GABRA2: variants seen among roughly 807,000 people sequenced by gnomAD.
GABRA2 encodes gamma-aminobutyric acid receptor subunit alpha-2.
Under a neutral mutation model 48.7 loss-of-function variants are expected in GABRA2, and 16 were observed. The ratio of observed to expected loss-of-function variants is 0.33; its 90% confidence interval spans 0.22 to 0.50. The LOEUF (loss-of-function observed/expected upper bound fraction) is 0.50, where lower values mean the gene tolerates loss of function less well. Among genes scored for constraint, GABRA2 ranks in the 20% least tolerant of loss-of-function variants. The pLI is 0.98. For synonymous variants in GABRA2, 185 were observed against 184.5 expected (o/e 1.00, Z -0.02); for missense variants, 275 against 535.6 (o/e 0.51, Z 4.80).
At chr4:46,357,510 C>T (rs1736189479) in intron 3 of GABRA2, among the ~76,000 whole-genome samples, 1 of 150,826 alleles carries the variant, frequency 6.6e-6, no homozygotes, top group Non-Finnish European at 1.5e-5. Context: ...ATTTATTTAA[C>T]TTCTTAGTCC....
At chr4:46,294,052 C>A (rs1178131284) in intron 8 of GABRA2, among the ~76,000 whole-genome samples, 1 of 152,214 alleles carries the variant, frequency 6.6e-6, no homozygotes, top group Admixed American at 6.5e-5. Context: ...CCATAAGGCC[C>A]ACCAGAAGCA....
chr4:46,336,082 C>G (rs183469139), intron 3 of GABRA2, among the ~76,000 whole-genome samples: 80 of 152,238 alleles, frequency 5.3e-4, no homozygotes, highest in Middle Eastern at 3.4e-3. Flanking sequence ...CCACAAAGAA[C>G]AGGGACTGCA....
intron 8 of GABRA2, among the ~76,000 whole-genome samples, chr4:46,267,614 G>A (rs945974787): frequency 8.6e-5 from 13 of 151,938 alleles, no homozygotes; most frequent in African/African-American, 3.1e-4. Flanking sequence ...GGGGTTTGTT[G>A]TTATTGTTGA....
intron 3 of GABRA2, among the ~76,000 whole-genome samples, chr4:46,339,639 T>C (rs556925220): frequency 3.7e-4 from 56 of 152,018 alleles, no homozygotes; most frequent in African/African-American, 1.3e-3. Context: ...GAGTATACAA[T>C]AAAGGAACTT....
intron 8 of GABRA2, among the ~76,000 whole-genome samples, chr4:46,295,614 G>A (rs1724490568): frequency 6.6e-6 from 1 of 152,148 alleles, no homozygotes; most frequent in African/African-American, 2.4e-5. Flanking sequence ...CATGGGCTCA[G>A]CAACATGGAC....
At chr4:46,371,533 A>G (rs1184853448) in intron 3 of GABRA2, among the ~76,000 whole-genome samples, 1 of 152,128 alleles carries the variant, frequency 6.6e-6, no homozygotes, top group Admixed American at 6.6e-5. Flanking sequence ...CAAGGTTCAA[A>G]TACTACTGAG....
intron 4 of GABRA2, among the ~76,000 whole-genome samples, chr4:46,313,272 A>G (rs967451922): frequency 1.3e-5 from 2 of 151,866 alleles, no homozygotes; most frequent in Non-Finnish European, 2.9e-5. Context: ...TGTATGAATC[A>G]TCATCTCCTG....
intron 3 of GABRA2, among the ~76,000 whole-genome samples, chr4:46,340,111 T>C (rs1732958276): frequency 6.6e-6 from 1 of 151,906 alleles, no homozygotes; most frequent in Admixed American, 6.6e-5. Context: ...CAAAGACTTC[T>C]TACCTCCTCT....
chr4:46,338,669 A>T (rs1732688301), intron 3 of GABRA2, among the ~76,000 whole-genome samples: 1 of 151,860 alleles, frequency 6.6e-6, no homozygotes, highest in Admixed American at 6.6e-5. Context: ...TTTTGTAGGC[A>T]TTTAAGACTG....
At chr4:46,362,430 T>C (rs1330637893) in intron 3 of GABRA2, among the ~76,000 whole-genome samples, 3 of 152,166 alleles carry the variant, frequency 2.0e-5, no homozygotes, top group African/African-American at 7.2e-5. Flanking sequence ...TTAAACCTCT[T>C]TCTTTTGTGA....
chr4:46,265,387 T>TAC (rs1419637660), intron 8 of GABRA2, among the ~76,000 whole-genome samples: 1 of 128,886 alleles, frequency 7.8e-6, no homozygotes, highest in African/African-American at 2.9e-5. Flanking sequence ...GTGTACACAA[T>TAC]ATATATATAA....
At chr4:46,291,136 A>G (rs1037211499) in intron 8 of GABRA2, among the ~76,000 whole-genome samples, 3 of 152,096 alleles carry the variant, frequency 2.0e-5, no homozygotes, top group Non-Finnish European at 4.4e-5. Flanking sequence ...GATTTTTTGG[A>G]GGAGTTTGGA....
At chr4:46,353,925 C>T (rs1215583763) in intron 3 of GABRA2, among the ~76,000 whole-genome samples, 2 of 152,056 alleles carry the variant, frequency 1.3e-5, no homozygotes, top group African/African-American at 4.8e-5. Flanking sequence ...TGTAAATTCA[C>T]AGGGGCAGGA....
intron 8 of GABRA2, among the ~76,000 whole-genome samples, chr4:46,296,459 A>C (rs924578125): frequency 6.6e-6 from 1 of 152,114 alleles, no homozygotes; most frequent in Non-Finnish European, 1.5e-5. Context: ...GCTGGGGTCT[A>C]TCAAGATGAA....
intron 8 of GABRA2, among the ~76,000 whole-genome samples, chr4:46,301,456 G>T (rs1051803581): frequency 1.3e-5 from 2 of 152,110 alleles, no homozygotes; most frequent in Admixed American, 6.6e-5. Context: ...ATTTTATTAC[G>T]ATGACCTATA....
At chr4:46,345,292 T>G (rs529402811) in intron 3 of GABRA2, among the ~76,000 whole-genome samples, 1 of 152,016 alleles carries the variant, frequency 6.6e-6, no homozygotes, top group South Asian at 2.1e-4. Flanking sequence ...TTTATAGCAG[T>G]GTGAAAATGG....
chr4:46,350,805 A>G (rs1734990426), intron 3 of GABRA2, among the ~76,000 whole-genome samples: 1 of 152,014 alleles, frequency 6.6e-6, no homozygotes, highest in Non-Finnish European at 1.5e-5. Context: ...AATAGAAAAC[A>G]TAGTATGTAG....
At chr4:46,341,009 C>T (rs963904691) in intron 3 of GABRA2, among the ~76,000 whole-genome samples, 6 of 151,850 alleles carry the variant, frequency 4.0e-5, no homozygotes, top group Non-Finnish European at 7.4e-5. Context: ...CAATTTGTTA[C>T]TGAATCCCTC....
intron 8 of GABRA2, among the ~76,000 whole-genome samples, chr4:46,296,276 T>A (rs1308972826): frequency 1.3e-5 from 2 of 152,162 alleles, no homozygotes; most frequent in Non-Finnish European, 2.9e-5. Context: ...TTGCTTCCTG[T>A]TCCCGTGACA....
Sources: gnomAD v4.1 joint callset for allele counts (sites outside exome capture counted in the v4.1 genomes callset) on GRCh38, gnomAD v4.1.1 for gene constraint, MANE v1.5 for transcripts, NCBI Gene and HGNC (gene_info 2026-07-23, HGNC 2026-07-21) for gene names.